Variants in BTBD10 observed in about 807,000 individuals in gnomAD.
BTBD10 encodes BTB/POZ domain-containing protein 10.
BTBD10 carries 21 observed loss-of-function variants against 53.2 expected under a neutral mutation model. The ratio of observed to expected loss-of-function variants is 0.39; its 90% CI spans 0.28 to 0.57. The LOEUF is 0.57. Ranked by LOEUF, BTBD10 falls within the 20% of genes least tolerant of loss-of-function variation. BTBD10 has a pLI of 0.53. For synonymous variants in BTBD10, 149 were observed against 192.7 expected (o/e 0.77, Z 1.88); for missense variants, 360 against 594.7 (o/e 0.61, Z 4.10).
intron 5 of BTBD10, among the ~76,000 whole-genome samples, chr11:13,414,844 GAAA>G (rs71041526): frequency 7.0e-5 from 6 of 85,134 alleles, no homozygotes; most frequent in Non-Finnish European, 1.3e-4. Context: ...CATCTCAAAC[GAAA>G]AAAAAAAAAA....
chr11:13,444,469 T>C (rs1235919046), intron 2 of BTBD10, among the ~76,000 whole-genome samples: 1 of 152,126 alleles, frequency 6.6e-6, no homozygotes, highest in Admixed American at 6.5e-5. Flanking sequence ...AAAATGAAAG[T>C]TTTAAAAATA....
At chr11:13,459,448 T>C (rs921234994) in intron 1 of BTBD10, among the ~76,000 whole-genome samples, 2 of 152,138 alleles carry the variant, frequency 1.3e-5, no homozygotes, top group Non-Finnish European at 2.9e-5. Flanking sequence ...AAATGCAACA[T>C]TGGCTTGAAC....
intron 8 of BTBD10, among the ~76,000 whole-genome samples, chr11:13,397,546 T>C (rs1949588690): frequency 1.3e-5 from 2 of 152,232 alleles, no homozygotes; most frequent in Non-Finnish European, 2.9e-5. Context: ...TCTCCTTCAA[T>C]TCTGCTCTGA....
intron 2 of BTBD10, among the ~76,000 whole-genome samples, chr11:13,424,698 T>C (rs1172743231): frequency 1.3e-5 from 2 of 151,954 alleles, no homozygotes; most frequent in East Asian, 1.9e-4. Context: ...CCAGCCAAGA[T>C]AGAATAACAA....
chr11:13,409,909 G>C (rs944361683), intron 6 of BTBD10, among the ~76,000 whole-genome samples: 1 of 152,116 alleles, frequency 6.6e-6, no homozygotes, highest in African/African-American at 2.4e-5. Flanking sequence ...AAGAGGGGAC[G>C]AAAGGACAAG....
chr11:13,458,624 G>A (rs1951023012), intron 1 of BTBD10, among the ~76,000 whole-genome samples: 1 of 152,166 alleles, frequency 6.6e-6, no homozygotes, highest in Non-Finnish European at 1.5e-5. Flanking sequence ...AAAAATTGGA[G>A]TATTAATGGT....
intron 8 of BTBD10, among the ~76,000 whole-genome samples, chr11:13,401,118 A>T (rs191894474): frequency 7.3e-6 from 1 of 137,888 alleles, no homozygotes; most frequent in Non-Finnish European, 1.6e-5. Flanking sequence ...GAAATATTAT[A>T]TATCAGATAT....
chr11:13,449,821 C>T (rs1350808547), intron 1 of BTBD10, among the ~76,000 whole-genome samples: 1 of 152,164 alleles, frequency 6.6e-6, no homozygotes. Context: ...AACCAGCTCT[C>T]TTGATAACTG....
intron 2 of BTBD10, among the ~76,000 whole-genome samples, chr11:13,429,933 T>C (rs1950415905): frequency 6.7e-6 from 1 of 148,428 alleles, no homozygotes; most frequent in Non-Finnish European, 1.5e-5. Context: ...GTGAGACCAT[T>C]TCTACAAAAA....
At chr11:13,420,011 A>T (rs898159597) in intron 3 of BTBD10, among the ~76,000 whole-genome samples, 6 of 152,146 alleles carry the variant, frequency 3.9e-5, no homozygotes, top group African/African-American at 1.4e-4. Flanking sequence ...ACCCAAACTA[A>T]CATCAAGACT....
intron 5 of BTBD10, among the ~76,000 whole-genome samples, chr11:13,416,695 G>T (rs566925371): frequency 6.6e-6 from 1 of 152,154 alleles, no homozygotes; most frequent in South Asian, 2.1e-4. Flanking sequence ...AAAGATGAGA[G>T]CATGGCATGG....
intron 2 of BTBD10, among the ~76,000 whole-genome samples, chr11:13,432,902 G>A (rs1024399412): frequency 3.3e-5 from 5 of 151,986 alleles, no homozygotes; most frequent in South Asian, 4.1e-4. Context: ...AGAAAATAGA[G>A]GGGAGCACAT....
chr11:13,418,940 C>CCTTCATTTT (rs1415866610), intron 4 of BTBD10, among the ~76,000 whole-genome samples: 2 of 148,308 alleles, frequency 1.3e-5, no homozygotes, highest in African/African-American at 4.9e-5. Context: ...ACAATTATCT[C>CCTTCATTTT]CTTCATTTTG....
Position 13,389,100 on chromosome 11 carries a change from C to A in BTBD10, c.1159G>T (p.Gly387Cys), listed in dbSNP as rs1346246933. Residue 387 changes from glycine to cysteine, a missense_variant, in exon 9 of 9, where the codon GGC (glycine) becomes TGC (cysteine). Coordinates refer to ENST00000278174, the MANE Select transcript of BTBD10 (RefSeq NM_032320.7). ...TAGTTGTAGATCACTTCTGGGCGGCCTCCAGGCCTTTTCTTTACTTTTTCT... is the reference window on the plus strand; with the variant it reads ...TAGTTGTAGATCACTTCTGGGCGGCATCCAGGCCTTTTCTTTACTTTTTCT... ...YKEKVKKRPG[G>C]RPEVIYNYVQ... 9 of 1,613,534 alleles carry A rather than the reference C, an allele frequency of 5.6e-6. No homozygotes were observed. The highest frequency in any genetic ancestry group is 7.6e-6 in the Non-Finnish European group (9 of 1,179,888).
chr11:13,392,133 A>G (rs966578549), intron 8 of BTBD10, among the ~76,000 whole-genome samples: 1 of 152,234 alleles, frequency 6.6e-6, no homozygotes, highest in Admixed American at 6.5e-5. Context: ...AATTGTTCAT[A>G]AAGTCAAAGA....
intron 4 of BTBD10, among the ~76,000 whole-genome samples, chr11:13,418,993 A>ATTTT (rs1565246530): frequency 2.0e-5 from 1 of 49,646 alleles, no homozygotes; most frequent in Non-Finnish European, 5.0e-5. Context: ...TTTTTTTTTA[A>ATTTT]AAGTATCTAC....
chr11:13,396,454 G>GT, intron 8 of BTBD10, among the ~76,000 whole-genome samples: 1 of 152,272 alleles, frequency 6.6e-6, no homozygotes, highest in East Asian at 1.9e-4. Flanking sequence ...AGACAATGGG[G>GT]TTTTCTAGAT....
At chr11:13,405,485 A>G (rs912371042) in intron 7 of BTBD10, 174 bp downstream of exon 7, 1 of 639,924 alleles carries the variant, frequency 1.6e-6, no homozygotes, top group African/African-American at 1.8e-5. Context: ...CAACTACTCA[A>G]CTCTGCCACT....
chr11:13,462,019 A>G (rs760561062), intron 1 of BTBD10, among the ~76,000 whole-genome samples: 55 of 151,256 alleles, frequency 3.6e-4, no homozygotes, highest in South Asian at 1.0e-3. Context: ...TATTCAAATG[A>G]CAACTGCAGT....
Sources: allele counts gnomAD v4.1 joint callset (sites outside exome capture counted in the v4.1 genomes callset), GRCh38; gene constraint gnomAD v4.1.1; transcripts MANE v1.5; gene names NCBI Gene and HGNC (gene_info 2026-07-23, HGNC 2026-07-21).